Variants in PACSIN2 observed in about 807,000 individuals in gnomAD.
The protein encoded by PACSIN2 is protein kinase C and casein kinase substrate in neurons 2, also known as protein kinase C and casein kinase substrate in neurons protein 2.
PACSIN2 carries 25 observed loss-of-function variants against 63.8 expected under a neutral mutation model. The observed-to-expected ratio is 0.39, with a 90% CI of 0.29 to 0.55. The LOEUF is 0.55. Among genes scored for constraint, PACSIN2 ranks in the 20% least tolerant of loss-of-function variants. The pLI is 0.62. For synonymous variants in PACSIN2, 255 were observed against 256.2 expected, an observed-to-expected ratio of 1.00 and a Z score of 0.05; for missense variants, 518 against 646.9, an observed-to-expected ratio of 0.80 and a Z score of 2.16.
intron 1 of PACSIN2, among the ~76,000 whole-genome samples, chr22:42,979,739 G>A (rs1921951488): frequency 1.3e-5 from 2 of 152,228 alleles, no homozygotes; most frequent in African/African-American, 4.8e-5. Context: ...TTTAAACACA[G>A]ACATTGCCTC....
At chr22:43,014,070 T>C (rs1168409294) in intron 1 of PACSIN2, among the ~76,000 whole-genome samples, 1 of 152,068 alleles carries the variant, frequency 6.6e-6, no homozygotes, top group Middle Eastern at 3.2e-3. Context: ...AAAATCGACC[T>C]TCTCTGATGG....
chr22:42,949,099 C>T (rs767577902), intron 1 of PACSIN2, among the ~76,000 whole-genome samples: 2 of 152,172 alleles, frequency 1.3e-5, no homozygotes, highest in Non-Finnish European at 2.9e-5. Flanking sequence ...TACAAACCAG[C>T]CTGAGCAACA....
intron 1 of PACSIN2, among the ~76,000 whole-genome samples, chr22:42,925,299 G>A (rs533393006): frequency 1.3e-5 from 2 of 152,050 alleles, no homozygotes; most frequent in Admixed American, 6.5e-5. Flanking sequence ...GGCCAACATG[G>A]TGAAACCCCA....
intron 1 of PACSIN2, among the ~76,000 whole-genome samples, chr22:42,940,878 C>T (rs1319208887): frequency 6.6e-6 from 1 of 152,172 alleles, no homozygotes; most frequent in Non-Finnish European, 1.5e-5. Flanking sequence ...GAGATTCTTG[C>T]TATTTTTCTA....
intron 1 of PACSIN2, among the ~76,000 whole-genome samples, chr22:42,923,521 G>C (rs1807569): frequency 6.6e-6 from 1 of 151,840 alleles, no homozygotes; most frequent in African/African-American, 2.4e-5. Context: ...TCCGCCTCCC[G>C]GGTTCACGCC....
At chr22:43,003,209 T>C (rs1052286780) in intron 1 of PACSIN2, among the ~76,000 whole-genome samples, 12 of 152,264 alleles carry the variant, frequency 7.9e-5, no homozygotes, top group Non-Finnish European at 1.3e-4. Flanking sequence ...AAGAGTTTTT[T>C]ACTCAGAACA....
chr22:42,937,502 C>A (rs781420353), intron 1 of PACSIN2, among the ~76,000 whole-genome samples: 5 of 152,270 alleles, frequency 3.3e-5, no homozygotes, highest in Non-Finnish European at 7.4e-5. Context: ...CCAAAGTCCA[C>A]CTCTGAGCCC....
chr22:42,900,894 G>A (rs142131076), intron 2 of PACSIN2, among the ~76,000 whole-genome samples: 11 of 152,332 alleles, frequency 7.2e-5, no homozygotes, highest in African/African-American at 2.6e-4. Flanking sequence ...CAGAGCTGGT[G>A]TAAACTGAGA....
chr22:42,906,146 C>T (rs1294635324), intron 2 of PACSIN2, among the ~76,000 whole-genome samples: 5 of 152,238 alleles, frequency 3.3e-5, no homozygotes, highest in Non-Finnish European at 7.3e-5. Context: ...CTGTGAGCTC[C>T]AAGAGGACAA....
At chr22:42,976,979 C>T (rs796635002) in intron 1 of PACSIN2, among the ~76,000 whole-genome samples, 44 of 152,256 alleles carry the variant, frequency 2.9e-4, no homozygotes, top group African/African-American at 1.0e-3. Flanking sequence ...CTAGAGTAAA[C>T]CTTGTTTGGT....
intron 1 of PACSIN2, among the ~76,000 whole-genome samples, chr22:42,998,177 G>C (rs775392103): frequency 3.3e-5 from 5 of 152,216 alleles, no homozygotes; most frequent in Non-Finnish European, 7.3e-5. Context: ...AATAAAAACA[G>C]AAAGTCTTTG....
chr22:42,954,793 G>A (rs573748724), intron 1 of PACSIN2, among the ~76,000 whole-genome samples: 1 of 152,296 alleles, frequency 6.6e-6, no homozygotes, highest in South Asian at 2.1e-4. Context: ...TGATGCCAGG[G>A]AATGGGGGAT....
intron 1 of PACSIN2, among the ~76,000 whole-genome samples, chr22:42,919,781 AAAAAAAAAAAAAAAAAG>A (rs1932052470): frequency 7.2e-6 from 1 of 138,036 alleles, no homozygotes; most frequent in South Asian, 2.3e-4. Context: ...TCAAAAAAAA[AAAAAAAAAAAAAAAAAG>A]AAAGAAAGAA....
chr22:42,872,927 G>A (rs945443331), intron 10 of PACSIN2, among the ~76,000 whole-genome samples: 5 of 152,356 alleles, frequency 3.3e-5, no homozygotes, highest in Admixed American at 2.6e-4. Flanking sequence ...GGCCCCTGGC[G>A]TTTCTTTTGT....
intron 1 of PACSIN2, among the ~76,000 whole-genome samples, chr22:42,938,722 ACTCCACCTGGAG>A (rs1933017329): frequency 6.6e-6 from 1 of 151,596 alleles, no homozygotes; most frequent in Non-Finnish European, 1.5e-5. Context: ...CCTTTCTCCC[ACTCCACCTGGAG>A]CTCCACGAGG....
intron 1 of PACSIN2, among the ~76,000 whole-genome samples, chr22:42,972,267 C>T (rs944705580): frequency 9.9e-5 from 15 of 152,140 alleles, no homozygotes; most frequent in Non-Finnish European, 2.2e-4. Context: ...GGATTAAGGG[C>T]GGTGCACGAT....
chr22:42,970,074 C>T (rs1056730494), intron 1 of PACSIN2, among the ~76,000 whole-genome samples: 8 of 152,156 alleles, frequency 5.3e-5, no homozygotes, highest in African/African-American at 1.4e-4. Flanking sequence ...ATGCCCCCTT[C>T]GACACTGGCA....
intron 2 of PACSIN2, among the ~76,000 whole-genome samples, chr22:42,904,587 C>G (rs907008324): frequency 3.9e-5 from 6 of 152,056 alleles, no homozygotes; most frequent in African/African-American, 1.4e-4. Context: ...AAAACTGGCT[C>G]GACCCCTAAG....
chr22:43,007,468 A>G (rs1924168100), intron 1 of PACSIN2, among the ~76,000 whole-genome samples: 1 of 152,078 alleles, frequency 6.6e-6, no homozygotes, highest in Non-Finnish European at 1.5e-5. Context: ...CGCCCACCTC[A>G]GCTTCCCAAA....
Sources: allele counts gnomAD v4.1 joint callset (sites outside exome capture counted in the v4.1 genomes callset), GRCh38; gene constraint gnomAD v4.1.1; transcripts MANE v1.5; gene names NCBI Gene and HGNC (gene_info 2026-07-23, HGNC 2026-07-21).